Variants in ADAMTS20 observed in about 807,000 individuals in gnomAD.
ADAMTS20 encodes A disintegrin and metalloproteinase with thrombospondin motifs 20.
Under a neutral mutation model 260.1 loss-of-function variants are expected in ADAMTS20, and 225 were observed. That is an observed-to-expected ratio of 0.87 (90% CI 0.78 to 0.97). The LOEUF is 0.97. ADAMTS20 is among the 50% of genes least tolerant of loss of function. The probability of loss-of-function intolerance (pLI) is 0.00; values close to 1 mark genes in which losing one functional copy is unlikely to be tolerated. For synonymous variants in ADAMTS20, 802 were observed against 769.5 expected, an observed-to-expected ratio of 1.04 and a Z score of -0.70; for missense variants, 2,400 against 2,337.7, an observed-to-expected ratio of 1.03 and a Z score of -0.55.
intron 3 of ADAMTS20, among the ~76,000 whole-genome samples, chr12:43,527,688 C>T (rs1450039957): frequency 6.6e-6 from 1 of 152,044 alleles, no homozygotes; most frequent in African/African-American, 2.4e-5. Context: ...GAACATACCT[C>T]AAAATAATAA....
Position 43,369,315 on chromosome 12 carries a change from C to A in ADAMTS20, c.5513G>T (p.Cys1838Phe). The A allele has an allele frequency of 6.4e-7, 1 of 1,553,020 alleles. No homozygotes were observed. The highest frequency in any genetic ancestry group is 1.9e-5 in the Admixed American group (1 of 52,110). The change falls in exon 37 of 39, where the codon TGC becomes TTC. Residue 1838 changes from cysteine to phenylalanine, a missense_variant. Coordinates refer to ENST00000389420, the MANE Select transcript of ADAMTS20 (RefSeq NM_025003.5). ...CTGTGGGCATCTGAAAGCACTGTAGCAATCTCCAGCTGTGGCAAATGGAAC... is the reference window on the plus strand; with the variant it reads ...CTGTGGGCATCTGAAAGCACTGTAGAAATCTCCAGCTGTGGCAAATGGAAC... ...NAVPFATAGD[C>F]YSAFRCPQGQ...
At chr12:43,395,962 G>C (rs757242424) in intron 29 of ADAMTS20, among the ~76,000 whole-genome samples, 1 of 151,576 alleles carries the variant, frequency 6.6e-6, no homozygotes, top group Non-Finnish European at 1.5e-5. Context: ...AACCATACTA[G>C]CTTTAAAAAC....
chr12:43,512,057 A>C (rs1942931434), intron 3 of ADAMTS20, among the ~76,000 whole-genome samples: 1 of 151,956 alleles, frequency 6.6e-6, no homozygotes, highest in Non-Finnish European at 1.5e-5. Context: ...AATAACAATA[A>C]AGATATAATA....
rs1393395717 is a variant in ADAMTS20, at chr12:43,552,181, G to T, written c.-260C>A. Among the ~76,000 whole-genome samples, 1 of 152,220 alleles carries T rather than the reference G, an allele frequency of 6.6e-6. No homozygotes were observed. The highest frequency in any genetic ancestry group is 2.4e-5 in the African/African-American group (1 of 41,462). ...GCTGCCCTCAGAAACTCTCTGCTCA[G>T]GTTCAGCTCGGCGCGGGGAAGCAAC... is the stretch of plus-strand genomic sequence containing the variant. On this transcript the variant is annotated 5_prime_UTR_variant, in exon 1 of 39. It adds an upstream start codon to the 5' untranslated region. Transcript: ENST00000389420.
intron 19 of ADAMTS20, among the ~76,000 whole-genome samples, chr12:43,433,610 A>G (rs1283006073): frequency 2.6e-5 from 4 of 152,066 alleles, no homozygotes; most frequent in African/African-American, 9.7e-5. Context: ...ACCTGCTACA[A>G]TGCTAAAAAT....
intron 3 of ADAMTS20, among the ~76,000 whole-genome samples, chr12:43,521,772 C>T (rs913920759): frequency 6.6e-6 from 1 of 151,916 alleles, no homozygotes; most frequent in Non-Finnish European, 1.5e-5. Context: ...CATAACTGGT[C>T]TCTGTGCGCC....
At position 43,439,708 on chromosome 12, in the gene ADAMTS20, G is replaced by T. The variant is rs745980093; in HGVS notation, c.2507C>A (p.Ser836Tyr). The T allele has an allele frequency of 6.3e-5, 101 of 1,613,400 alleles. No homozygotes were observed. The highest frequency in any genetic ancestry group is 8.5e-5 in the Non-Finnish European group (100 of 1,179,704). ...GNLYNPDVHY[S>Y]FNIPLEERSD... ...CCTCTCTTCCAAAGGGATATTGAAG[G>T]AATAATGTACATCAGGGTTGTATAA... Residue 836 changes from serine (S) to tyrosine (Y), a missense_variant, in exon 18 of 39, where the codon TCC becomes TAC. Ser to Tyr is a moderately radical substitution (Grantham distance 144). Coordinates refer to ENST00000389420, the MANE Select transcript of ADAMTS20 (RefSeq NM_025003.5).
chr12:43,403,318 A>C (rs1360430945), intron 28 of ADAMTS20, among the ~76,000 whole-genome samples: 1 of 152,242 alleles, frequency 6.6e-6, no homozygotes, highest in Middle Eastern at 3.4e-3. Flanking sequence ...CTGGAAACTT[A>C]AATTATTAAA....
chr12:43,436,805 G>A (rs1193567764), intron 18 of ADAMTS20, among the ~76,000 whole-genome samples: 2 of 152,116 alleles, frequency 1.3e-5, no homozygotes, highest in African/African-American at 2.4e-5. Context: ...GCCAACTTCT[G>A]TTATCCCGCA....
At chr12:43,407,888 A>C (rs1468108020) in intron 28 of ADAMTS20, among the ~76,000 whole-genome samples, 1 of 152,206 alleles carries the variant, frequency 6.6e-6, no homozygotes, top group African/African-American at 2.4e-5. Flanking sequence ...CTTGTAATTT[A>C]TATTTTTAAC....
intron 3 of ADAMTS20, among the ~76,000 whole-genome samples, chr12:43,509,155 A>G (rs1942888127): frequency 6.6e-6 from 1 of 152,060 alleles, no homozygotes; most frequent in Non-Finnish European, 1.5e-5. Context: ...CCAGTCTATC[A>G]TTGATTGGCA....
intron 3 of ADAMTS20, among the ~76,000 whole-genome samples, chr12:43,509,204 G>A (rs1055245335): frequency 7.2e-5 from 11 of 152,106 alleles, no homozygotes; most frequent in East Asian, 1.9e-4. Context: ...AAATAGTGCC[G>A]CGATGAATAT....
At chr12:43,389,584 A>G (rs1372357069) in intron 29 of ADAMTS20, among the ~76,000 whole-genome samples, 1 of 152,086 alleles carries the variant, frequency 6.6e-6, no homozygotes. Context: ...TTTGGTGCCT[A>G]TGGCCCTTCC....
chr12:43,512,946 TG>T (rs1406419986), intron 3 of ADAMTS20, among the ~76,000 whole-genome samples: 1 of 152,204 alleles, frequency 6.6e-6, no homozygotes, highest in Non-Finnish European at 1.5e-5. Context: ...AGGGTCATGT[TG>T]GTAAATGTTG....
Position 43,492,487 on chromosome 12 carries a change from T to C in ADAMTS20, c.1076+18A>G, listed in dbSNP as rs745715702. On this transcript the variant is annotated intron_variant, in intron 6 of 38. Transcript: ENST00000389420. Reference sequence around the variant, plus strand: ...AGAGTAAAGGATTGTATGGGAAGGGTTATTTCTATAATCATACCTAGTGAT... The same window carrying C: ...AGAGTAAAGGATTGTATGGGAAGGGCTATTTCTATAATCATACCTAGTGAT... 6.2e-7 allele frequency: 1 copy of C among 1,612,004 alleles called. No homozygotes were observed. Among genetic ancestry groups the C allele is most frequent in the South Asian group, 1.1e-5 (1 of 90,932 alleles).
chr12:43,504,038 C>G (rs1231807865), intron 3 of ADAMTS20, among the ~76,000 whole-genome samples: 2 of 151,992 alleles, frequency 1.3e-5, no homozygotes, highest in African/African-American at 2.4e-5. Flanking sequence ...ATGCATGTGT[C>G]TTTATAGAAC....
chr12:43,521,973 T>C (rs1347166461), intron 3 of ADAMTS20, among the ~76,000 whole-genome samples: 4 of 152,162 alleles, frequency 2.6e-5, no homozygotes, highest in Non-Finnish European at 1.5e-5. Context: ...TAAGAATAAA[T>C]AAATTTAGAA....
At chr12:43,492,476 T>C (rs1942617194) in intron 6 of ADAMTS20, 29 bp downstream of exon 6, 1 of 1,610,258 alleles carries the variant, frequency 6.2e-7, no homozygotes, top group African/African-American at 1.3e-5. Flanking sequence ...TAAAGGATTG[T>C]ATGGGAAGGG....
At position 43,468,674 on chromosome 12, in the gene ADAMTS20, A is replaced by C; in HGVS notation, c.1149T>G (p.Pro383=). The C allele has an allele frequency of 1.2e-6, 2 of 1,608,012 alleles. No homozygotes were observed. The highest frequency in any genetic ancestry group is 2.7e-5 in the African/African-American group (2 of 74,882). Residue 383 remains proline (P), a synonymous_variant, in exon 8 of 39, where the codon CCT becomes CCG. Coordinates refer to ENST00000389420, the MANE Select transcript of ADAMTS20 (RefSeq NM_025003.5). The part of the protein sequence containing the change: ...GLSYLGTICD[P]LQSCFINEEK... ...CTTCATTAATAAAGCAGCTTTGTAAAGGATCACATATGGTACCTAAATATG... is the reference window on the plus strand; with the variant it reads ...CTTCATTAATAAAGCAGCTTTGTAACGGATCACATATGGTACCTAAATATG...
Sources: gnomAD v4.1 joint callset for allele counts (sites outside exome capture counted in the v4.1 genomes callset) on GRCh38, gnomAD v4.1.1 for gene constraint, MANE v1.5 for transcripts, NCBI Gene and HGNC (gene_info 2026-07-23, HGNC 2026-07-21) for gene names.